The following SV2B variants were observed in gnomAD, a reference collection of about 807,000 sequenced individuals.
SV2B encodes solute carrier family 22 member B2.
In SV2B, 41 loss-of-function variants were observed where a neutral mutation model predicts 73.9. That is an observed-to-expected ratio of 0.56 (90% CI 0.43 to 0.72). The LOEUF is 0.72. Ranked by LOEUF, SV2B falls within the 30% of genes least tolerant of loss-of-function variation. SV2B has a pLI of 0.00. For missense variants in SV2B, 764 were observed against 857.8 expected (o/e 0.89, Z 1.37); for synonymous variants, 314 against 314.2 (o/e 1.00, Z 0.01).
At position 91,197,438 on chromosome 15, in the gene SV2B, G is replaced by A. The variant is rs1328007735; in HGVS notation, c.-391-28435G>A. Among the ~76,000 whole-genome samples, 1 of 151,546 alleles carries A rather than the reference G, an allele frequency of 6.6e-6. No homozygotes were observed. Among genetic ancestry groups the A allele is most frequent in the African/African-American group, 2.4e-5 (1 of 41,274 alleles). ...GGGGTTTCTCCATGTTGGTCAGGCT[G>A]GTCTCAAACTCCCGACTTCAGGTCA... On this transcript the variant is annotated intron_variant, in intron 1 of 12. Transcript: ENST00000394232. The surrounding 1 kb of genome is among the most constrained non-coding windows in gnomAD (Gnocchi z 4.9).
intron 1 of SV2B, among the ~76,000 whole-genome samples, chr15:91,145,366 C>A (rs1168613929): frequency 1.3e-5 from 2 of 152,170 alleles, no homozygotes; most frequent in African/African-American, 4.8e-5. Context: ...ACATGTACCA[C>A]ATTTTCTTTA....
rs1392747126 is a variant in SV2B, at chr15:91,229,139, C to A, written c.451+2425C>A. 6.6e-6 allele frequency among the ~76,000 whole-genome samples: 1 copy of A among 152,216 alleles called. No individual in the cohort carries two copies. Among genetic ancestry groups the A allele is most frequent in the Non-Finnish European group, 1.5e-5 (1 of 68,028 alleles). On this transcript the variant is annotated intron_variant, in intron 2 of 12. Transcript: ENST00000394232. The surrounding 1 kb of genome is among the most constrained non-coding windows in gnomAD (Gnocchi z 4.3). ...ACAGGCTGCTCTCTGTGTCATCAAG[C>A]ACCTCATAGATTACTTGGAACACCA...
In SV2B at chr15:91,226,292, A is replaced by T; in HGVS notation, c.29A>T (p.Tyr10Phe). 6.2e-7 allele frequency: 1 copy of T among 1,614,188 alleles called. No individual in the cohort carries two copies. The highest frequency in any genetic ancestry group is 1.7e-4 in the Middle Eastern group (1 of 6,060). Residue 10 changes from tyrosine (Y) to phenylalanine (F), a missense_variant, in exon 2 of 13, where the codon TAT (tyrosine) becomes TTT (phenylalanine). By Grantham distance (22) the Tyr-to-Phe change is conservative. Transcript: ENST00000394232. MDDYKYQDN[Y>F]GGYAPSDGYY... The stretch of plus-strand genomic sequence containing the variant: ...GATGACTACAAGTATCAGGACAATT[A>T]TGGGGGCTATGCTCCCAGTGATGGC...
rs2049243355 is a variant in SV2B at position 91,296,667 on chromosome 15, C to CCCTTCTGCCTGATCATTGGGAGCACACT, written c.*4132_*4159dup. On this transcript the variant is annotated 3_prime_UTR_variant, in exon 13 of 13. Transcript: ENST00000394232. ...TTCTGCCTGATCGTTGGGAGCACAC[C>CCCTTCTGCCTGATCATTGGGAGCACACT]CCTTCTGCCTGATCATTGGGAGCAC... The CCCTTCTGCCTGATCATTGGGAGCACACT allele has an allele frequency of 1.6e-5, 2 of 122,334 alleles. No individual in the cohort carries two copies. Among genetic ancestry groups the CCCTTCTGCCTGATCATTGGGAGCACACT allele is most frequent in the Non-Finnish European group, 3.4e-5 (2 of 59,004 alleles). 7.6% of individuals were successfully genotyped at this position (122,334 alleles called of 1,614,324 possible).
chr15:91,195,846 G>A (rs931003582), intron 1 of SV2B, among the ~76,000 whole-genome samples: 4 of 152,208 alleles, frequency 2.6e-5, no homozygotes, highest in African/African-American at 9.7e-5. Flanking sequence ...CATGAAGCTT[G>A]CCTGGCATAA....
intron 1 of SV2B, among the ~76,000 whole-genome samples, chr15:91,216,492 A>C (rs1224054990): frequency 6.7e-6 from 1 of 150,342 alleles, no homozygotes; most frequent in Non-Finnish European, 1.5e-5. Context: ...TTGTTTTTTG[A>C]GATGGAGTCT....
rs1280713519 is a variant in SV2B, at chr15:91,283,997, C to T, written c.1508-24C>T. ...TCCAGCTCCCTTCCACTTACATGAA[C>T]CGAAGGTTTCCTTCTCTCCCCAGAC... On this transcript the variant is annotated intron_variant, in intron 10 of 12. Coordinates refer to ENST00000394232, the MANE Select transcript of SV2B (RefSeq NM_001323032.3). The surrounding 1 kb of genome is among the most constrained non-coding windows in gnomAD (Gnocchi z 4.3). The T allele has an allele frequency of 2.5e-6, 4 of 1,613,344 alleles. No individual in the cohort carries two copies. Among genetic ancestry groups the T allele is most frequent in the Non-Finnish European group, 3.4e-6 (4 of 1,179,356 alleles).
At position 91,132,350 on chromosome 15, in the gene SV2B, C is replaced by T. The variant is rs1384778762; in HGVS notation, c.-392+31987C>T. On this transcript the variant is annotated intron_variant, in intron 1 of 12. Transcript: ENST00000394232. The surrounding 1 kb of genome is among the most constrained non-coding windows in gnomAD (Gnocchi z 4.6). ...GAAGTGAAGTTACAAAGGTCACACA[C>T]CTGTGCAAACATTGGTTGCAAAAAC... 6.6e-6 allele frequency among the ~76,000 whole-genome samples: 1 copy of T among 152,162 alleles called. No homozygotes were observed. The highest frequency in any genetic ancestry group is 1.5e-5 in the Non-Finnish European group (1 of 68,034).
chr15:91,207,678 G>A (rs1212943104), intron 1 of SV2B, among the ~76,000 whole-genome samples: 4 of 152,138 alleles, frequency 2.6e-5, no homozygotes, highest in Admixed American at 6.5e-5. Context: ...CTTATTTAAC[G>A]TAAGTTTTAT....
Position 91,289,569 on chromosome 15 carries a change from G to A in SV2B, c.1757G>A (p.Gly586Asp). 3 of 1,614,152 alleles carry A rather than the reference G, an allele frequency of 1.9e-6. No homozygotes were observed. Among genetic ancestry groups the A allele is most frequent in the Non-Finnish European group, 2.5e-6 (3 of 1,180,010 alleles). ...SAVCCFFLFF[G>D]NSESAMIGWQ... ...GTCTGCTGCTTCTTCCTGTTTTTTG[G>A]CAACAGTGAGTCTGCAATGATCGGC... Residue 586 changes from glycine (G) to aspartate (D), a missense_variant, in exon 12 of 13, where the codon GGC (glycine) becomes GAC (aspartate). Transcript: ENST00000394232. The surrounding 1 kb of genome is among the most constrained non-coding windows in gnomAD (Gnocchi z 4.9).
Position 91,239,243 on chromosome 15 carries a change from G to A in SV2B, c.451+12529G>A, listed in dbSNP as rs1406043588. ...GTACGCTTTCTGTTTCACCACTGGA[G>A]ATTTTGCTGACTCAGAGGCATTCAT... On this transcript the variant is annotated intron_variant, in intron 2 of 12. Coordinates refer to ENST00000394232, the MANE Select transcript of SV2B (RefSeq NM_001323032.3). This position sits in a 1 kb window ranked among gnomAD's most constrained non-coding sequence, Gnocchi z 5.1. 6.6e-6 allele frequency among the ~76,000 whole-genome samples: 1 copy of A among 151,994 alleles called. No individual in the cohort carries two copies. The highest frequency in any genetic ancestry group is 1.5e-5 in the Non-Finnish European group (1 of 68,002).
intron 1 of SV2B, among the ~76,000 whole-genome samples, chr15:91,169,419 C>A (rs1029033969): frequency 6.8e-6 from 1 of 147,154 alleles, no homozygotes; most frequent in Admixed American, 6.6e-5. Context: ...GAAAGACAGC[C>A]CCCCCATCCC....
intron 1 of SV2B, among the ~76,000 whole-genome samples, chr15:91,133,393 T>G (rs2042716155): frequency 6.6e-6 from 1 of 152,144 alleles, no homozygotes; most frequent in Non-Finnish European, 1.5e-5. Context: ...CCTTTTCCTT[T>G]TTTTTTTGTT....
intron 2 of SV2B, among the ~76,000 whole-genome samples, chr15:91,233,850 C>G (rs1033489896): frequency 6.6e-6 from 1 of 152,182 alleles, no homozygotes. Context: ...CCCATCAGGC[C>G]TCTAAAGGTG....
intron 1 of SV2B, among the ~76,000 whole-genome samples, chr15:91,217,604 CAA>C (rs1403064092): frequency 1.3e-5 from 2 of 152,168 alleles, no homozygotes; most frequent in African/African-American, 4.8e-5. Context: ...ACTGCCAAAA[CAA>C]ATGGCTAATC....
At position 91,128,844 on chromosome 15, in the gene SV2B, G is replaced by C. The variant is rs1347282428; in HGVS notation, c.-392+28481G>C. The C allele has an allele frequency of 6.6e-6, 1 of 152,224 alleles. No homozygotes were observed. The highest frequency in any genetic ancestry group is 2.4e-5 in the African/African-American group (1 of 41,442). The allele number at this position is 152,224 out of a possible 1,614,324, so 9.4% of individuals were successfully genotyped here. ...TCTGGGTTTCCTCACTTAGTCATGAGCACTAGATCCTATCCTTTTTGTCCA... is the reference window on the plus strand; with the variant it reads ...TCTGGGTTTCCTCACTTAGTCATGACCACTAGATCCTATCCTTTTTGTCCA... On this transcript the variant is annotated intron_variant, in intron 1 of 12. Coordinates refer to ENST00000394232, the MANE Select transcript of SV2B (RefSeq NM_001323032.3). The surrounding 1 kb of genome is among the most constrained non-coding windows in gnomAD (Gnocchi z 4.2).
chr15:91,257,592 G>A (rs2047742827), intron 4 of SV2B, among the ~76,000 whole-genome samples: 1 of 152,186 alleles, frequency 6.6e-6, no homozygotes, highest in East Asian at 1.9e-4. Flanking sequence ...AAATTGTGTA[G>A]CCGTATAACA....
chr15:91,137,886 G>T lies in SV2B; in HGVS notation c.-392+37523G>T, dbSNP rs2042890648. Reference sequence around the variant, plus strand: ...GAAGAGAGAATCAGGTGTTTACTTTGCCTTTCCAATACAAACTATATCTCA... The same window carrying T: ...GAAGAGAGAATCAGGTGTTTACTTTTCCTTTCCAATACAAACTATATCTCA... On this transcript the variant is annotated intron_variant, in intron 1 of 12. Transcript: ENST00000394232. The surrounding 1 kb of genome is among the most constrained non-coding windows in gnomAD (Gnocchi z 4.9). 1.3e-5 allele frequency among the ~76,000 whole-genome samples: 2 copies of T among 152,020 alleles called. No individual in the cohort carries two copies. The highest frequency in any genetic ancestry group is 4.8e-5 in the African/African-American group (2 of 41,402).
intron 1 of SV2B, among the ~76,000 whole-genome samples, chr15:91,160,906 C>A (rs1451658398): frequency 2.0e-5 from 3 of 152,160 alleles, no homozygotes; most frequent in Non-Finnish European, 2.9e-5. Context: ...TGGAAATAAT[C>A]TAAATGACTG....
Sources: allele counts gnomAD v4.1 joint callset (sites outside exome capture counted in the v4.1 genomes callset), GRCh38; gene constraint gnomAD v4.1.1; non-coding constraint Gnocchi (gnomAD v3.1); transcripts MANE v1.5; gene names NCBI Gene and HGNC (gene_info 2026-07-23, HGNC 2026-07-21).